Variants in ARHGAP8 observed in about 807,000 individuals in gnomAD.
ARHGAP8 encodes the protein Rho GTPase activating protein 8, also known as rho GTPase-activating protein 8.
Under a neutral mutation model 46.1 loss-of-function variants are expected in ARHGAP8, and 62 were observed. That is an observed-to-expected ratio of 1.34 (90% CI 1.10 to 1.66). The LOEUF (loss-of-function observed/expected upper bound fraction) is 1.66. Ranked by LOEUF, ARHGAP8 falls within the 40% of genes most tolerant of loss-of-function variation. The probability of loss-of-function intolerance (pLI) is 0.00; values close to 1 mark genes in which losing one functional copy is unlikely to be tolerated. For synonymous variants in ARHGAP8, 375 were observed against 243.1 expected (o/e 1.54, Z -5.05); for missense variants, 923 against 568.4 (o/e 1.62, Z -6.34).
At position 44,859,776 on chromosome 22, in the gene ARHGAP8, G is replaced by A. The variant is rs148303608; in HGVS notation, c.923G>A (p.Arg308Gln). The A allele has an allele frequency of 1.4e-4, 227 of 1,614,098 alleles. No individual in the cohort carries two copies. The highest frequency in any genetic ancestry group is 1.7e-4 in the Non-Finnish European group (196 of 1,180,036). ...GTCACTGGCTGCCGCCAGATCTTAC[G>A]GAGCCTCCCAGAGCACAACTACGTC... ...LRVTGCRQIL[R>Q]SLPEHNYVVL... is the part of the protein sequence containing the mutation. The change falls in exon 11 of 12, where the codon CGG becomes CAG. Residue 308 changes from arginine to glutamine, a missense_variant. Coordinates refer to ENST00000356099, the MANE Select transcript of ARHGAP8 (RefSeq NM_181335.3).
chr22:44,787,562 C>A (rs1177960351), intron 2 of ARHGAP8, among the ~76,000 whole-genome samples: 2 of 152,152 alleles, frequency 1.3e-5, no homozygotes, highest in Non-Finnish European at 2.9e-5. Flanking sequence ...TCAGGCTGGT[C>A]TTGAACTCCT....
intron 8 of ARHGAP8, among the ~76,000 whole-genome samples, chr22:44,845,597 G>T (rs1007905174): frequency 7.9e-5 from 12 of 152,298 alleles, no homozygotes; most frequent in East Asian, 7.7e-4. Context: ...GTCCAGTGGG[G>T]TTAATAACAA....
intron 1 of ARHGAP8, among the ~76,000 whole-genome samples, chr22:44,781,156 C>T (rs927327227): frequency 5.3e-5 from 8 of 152,172 alleles, no homozygotes; most frequent in Non-Finnish European, 1.2e-4. Context: ...GACGACCCGC[C>T]GCTCTGGAAG....
At chr22:44,862,049 C>T (rs533739609) in intron 11 of ARHGAP8, among the ~76,000 whole-genome samples, 1 of 152,154 alleles carries the variant, frequency 6.6e-6, no homozygotes, top group East Asian at 1.9e-4. Context: ...AAGGTCAGAG[C>T]CAGAGGGTCC....
chr22:44,774,226 A>T (rs1926250865), intron 1 of ARHGAP8, among the ~76,000 whole-genome samples: 1 of 152,228 alleles, frequency 6.6e-6, no homozygotes, highest in South Asian at 2.1e-4. Context: ...GTTAAAGTTA[A>T]GGATGAACTG....
chr22:44,787,321 CTTTGTTTTGTTTTGTTTTGT>C (rs150868916), intron 2 of ARHGAP8, among the ~76,000 whole-genome samples: 13 of 150,634 alleles, frequency 8.6e-5, no homozygotes, highest in Non-Finnish European at 1.3e-4. Context: ...TCTTGCGTTG[CTTTGTTTTGTTTTGTTTTGT>C]TTTGTTTTGT....
intron 8 of ARHGAP8, 83 bp downstream of exon 8, chr22:44,845,425 C>T (rs374689628): frequency 6.3e-7 from 1 of 1,581,810 alleles, no homozygotes; most frequent in South Asian, 1.1e-5. Context: ...ATCCTGAGCA[C>T]CCACAAGCCA....
In ARHGAP8 at chr22:44,838,140, A is replaced by ATT. The variant is rs61131873; in HGVS notation, c.597-7116_597-7115dup. On this transcript the variant is annotated intron_variant, in intron 7 of 11. Coordinates refer to ENST00000356099, the MANE Select transcript of ARHGAP8 (RefSeq NM_181335.3). ...AGGAGTGCGCCACCATGCCTGGCTA[A>ATT]TTTTTTTTTTTTTTGAAGACGGAGT... Among the ~76,000 whole-genome samples, 125 of 143,514 alleles carry ATT rather than the reference A, an allele frequency of 8.7e-4. 1 individual carries two copies. In the Middle Eastern group the frequency reaches 0.011, roughly 12 times the overall value. 94.2% of individuals were successfully genotyped at this position (143,514 alleles called of 152,430 possible).
intron 10 of ARHGAP8, chr22:44,850,034 G>A (rs1391935985): frequency 6.6e-6 from 1 of 152,164 alleles, no homozygotes; most frequent in Non-Finnish European, 1.5e-5. Context: ...CCAATTACAT[G>A]GTTAGAGGGT....
At chr22:44,770,469 C>A (rs8137178) in intron 1 of ARHGAP8, among the ~76,000 whole-genome samples, 56,496 of 151,108 alleles carry the variant, frequency 0.37, 11,783 homozygotes, top group African/African-American at 0.57. Flanking sequence ...GCAGTGATGC[C>A]ATCTCGGCTC....
chr22:44,790,350 G>A (rs563274921), intron 2 of ARHGAP8, among the ~76,000 whole-genome samples: 1 of 131,432 alleles, frequency 7.6e-6, no homozygotes, highest in Admixed American at 8.3e-5. Context: ...GGTTTCCAGG[G>A]GTGTAAAGGA....
chr22:44,777,682 G>A (rs1267189871), intron 1 of ARHGAP8, among the ~76,000 whole-genome samples: 1 of 151,364 alleles, frequency 6.6e-6, no homozygotes, highest in Non-Finnish European at 1.5e-5. Context: ...TGATTGTTTT[G>A]TTTTATTTTA....
At chr22:44,766,521 CGT>C (rs1925584315) in intron 1 of ARHGAP8, among the ~76,000 whole-genome samples, 3 of 151,450 alleles carry the variant, frequency 2.0e-5, no homozygotes, top group African/African-American at 7.3e-5. Context: ...TGTCTGTGTG[CGT>C]GTGTCTGTAG....
intron 11 of ARHGAP8, among the ~76,000 whole-genome samples, chr22:44,861,600 TCTGA>T (rs1417748539): frequency 6.6e-6 from 1 of 152,186 alleles, no homozygotes; most frequent in East Asian, 1.9e-4. Flanking sequence ...GACCCCTGTT[TCTGA>T]CTGAGGTTCC....
intron 1 of ARHGAP8, among the ~76,000 whole-genome samples, chr22:44,781,079 C>T (rs919660218): frequency 2.0e-5 from 3 of 152,130 alleles, no homozygotes; most frequent in African/African-American, 4.8e-5. Context: ...ATGTGCGCTG[C>T]CGGCGGCTGC....
chr22:44,757,976 C>A (rs1602135620), intron 1 of ARHGAP8, among the ~76,000 whole-genome samples: 2 of 152,068 alleles, frequency 1.3e-5, no homozygotes, highest in African/African-American at 4.8e-5. Context: ...TTCATAGCAG[C>A]CAGTGGTCTC....
chr22:44,860,499 T>G (rs1236217454), intron 11 of ARHGAP8, among the ~76,000 whole-genome samples: 2 of 151,830 alleles, frequency 1.3e-5, no homozygotes, highest in Admixed American at 6.6e-5. Flanking sequence ...CATATGTCAC[T>G]GGGTTTAGGA....
At chr22:44,832,184 ATTT>A (rs1020901954) in intron 7 of ARHGAP8, among the ~76,000 whole-genome samples, 1 of 113,720 alleles carries the variant, frequency 8.8e-6, no homozygotes, top group Non-Finnish European at 1.9e-5. Context: ...TTTTTGTTAA[ATTT>A]TTTTTTTTTA....
intron 4 of ARHGAP8, 29 bp from the exon 5 acceptor site, chr22:44,814,643 C>A (rs540869391): frequency 2.5e-6 from 4 of 1,606,986 alleles, no homozygotes; most frequent in South Asian, 1.1e-5. Context: ...GCGCGGCAGC[C>A]TGAAGTCATC....
Sources: allele counts gnomAD v4.1 joint callset (sites outside exome capture counted in the v4.1 genomes callset), GRCh38; gene constraint gnomAD v4.1.1; transcripts MANE v1.5; gene names NCBI Gene and HGNC (gene_info 2026-07-23, HGNC 2026-07-21).